Variants in BCL9 observed in about 807,000 individuals in gnomAD.
The protein encoded by BCL9 is B-cell CLL/lymphoma 9 protein.
Under a neutral mutation model 88.5 loss-of-function variants are expected in BCL9, and 25 were observed. The ratio of observed to expected loss-of-function variants is 0.28; its 90% CI spans 0.21 to 0.39. BCL9 has a LOEUF of 0.39. BCL9 is among the 10% of genes least tolerant of loss of function. The pLI is 1.00. For synonymous variants in BCL9, 711 were observed against 673.3 expected (o/e 1.06, Z -0.87); for missense variants, 1,817 against 1,877.8 (o/e 0.97, Z 0.60).
intron 1 of BCL9, among the ~76,000 whole-genome samples, chr1:147,569,156 G>A (rs1233697436): frequency 1.3e-5 from 2 of 151,644 alleles, no homozygotes; most frequent in Non-Finnish European, 2.9e-5. Flanking sequence ...AATGGACAAA[G>A]GTGTCAAGTA....
intron 1 of BCL9, among the ~76,000 whole-genome samples, chr1:147,581,534 C>A (rs1176689724): frequency 6.6e-6 from 1 of 152,174 alleles, no homozygotes; most frequent in Non-Finnish European, 1.5e-5. Flanking sequence ...AAAGTGTGAA[C>A]CGAAGGTTGT....
chr1:147,624,421 C>G lies in BCL9; in HGVS notation c.3743C>G (p.Thr1248Arg). 2 of 1,614,228 alleles carry G rather than the reference C, an allele frequency of 1.2e-6. No homozygotes were observed. The highest frequency in any genetic ancestry group is 2.2e-5 in the East Asian group (1 of 44,878). Reference protein sequence around the residue: ...RIIPSEKPSQTLQYFPRGEVP... With the variant: ...RIIPSEKPSQRLQYFPRGEVP... ...ATTCCATCTGAGAAGCCCAGCCAGA[C>G]GCTGCAATATTTCCCTCGAGGGGAA... The change falls in exon 10 of 10, where the codon ACG (threonine) becomes AGG (arginine). Residue 1248 changes from threonine (T) to arginine (R), a missense_variant. Physicochemically the swap from Thr to Arg is moderately conservative, Grantham distance 71 (BLOSUM62 -1). Transcript: ENST00000234739. The surrounding 1 kb of genome is among the most constrained non-coding windows in gnomAD (Gnocchi z 4.4).
rs145053252 is a variant in BCL9 at position 147,548,839 on chromosome 1, C to A, written c.-478+7165C>A. ...TACAAAAAGAATTGACAAGAAGAAT[C>A]TTAAATTGCAACCTTATGTTGCATT... On this transcript the variant is annotated intron_variant, in intron 1 of 9. Coordinates refer to ENST00000234739, the MANE Select transcript of BCL9 (RefSeq NM_004326.4). Among the ~76,000 whole-genome samples, 266 of 152,146 alleles carry A rather than the reference C, an allele frequency of 1.7e-3. 1 individual carries two copies. Among genetic ancestry groups the A allele is most frequent in the African/African-American group, 6.2e-3 (258 of 41,526 alleles).
At chr1:147,604,719 T>C (rs1162970805) in intron 1 of BCL9, 58 bp from the exon 2 acceptor site, 3 of 152,252 alleles carry the variant, frequency 2.0e-5, no homozygotes, top group African/African-American at 7.2e-5. Context: ...AATGGGTGGT[T>C]TTCCTTGGAA....
chr1:147,560,680 G>A (rs587717561), intron 1 of BCL9, among the ~76,000 whole-genome samples: 2 of 152,002 alleles, frequency 1.3e-5, no homozygotes, highest in South Asian at 4.2e-4. Context: ...GCTAAGGGGG[G>A]TTGTGGGGAT....
rs1658543560 is a variant in BCL9, at chr1:147,620,218, C to T, written c.2063C>T (p.Pro688Leu). 1 of 1,613,924 alleles carries T rather than the reference C, an allele frequency of 6.2e-7. No homozygotes were observed. The highest frequency in any genetic ancestry group is 8.5e-7 in the Non-Finnish European group (1 of 1,179,972). Reference sequence around the variant, plus strand: ...ATACCAGTTGAGGGCCCTCTGAGTCCTTCTAGGGGTGACTTTCCAAAAGGA... The same window carrying T: ...ATACCAGTTGAGGGCCCTCTGAGTCTTTCTAGGGGTGACTTTCCAAAAGGA... The part of the protein sequence containing the change: ...PRIPVEGPLS[P>L]SRGDFPKGIP... The change falls in exon 8 of 10, where the codon CCT becomes CTT. Residue 688 changes from proline (P) to leucine (L), a missense_variant. Coordinates refer to ENST00000234739, the MANE Select transcript of BCL9 (RefSeq NM_004326.4).
At chr1:147,597,593 T>C (rs1019438581) in intron 1 of BCL9, among the ~76,000 whole-genome samples, 49 of 152,298 alleles carry the variant, frequency 3.2e-4, no homozygotes, top group African/African-American at 1.1e-3. Flanking sequence ...TAAATCCTTA[T>C]ACACCAAAAT....
intron 1 of BCL9, among the ~76,000 whole-genome samples, chr1:147,580,645 C>T (rs369362286): frequency 2.6e-5 from 4 of 152,128 alleles, no homozygotes; most frequent in East Asian, 1.9e-4. Flanking sequence ...AATAGAAAAG[C>T]GAAGAATTAA....
intron 1 of BCL9, among the ~76,000 whole-genome samples, chr1:147,595,214 C>T (rs782393218): frequency 6.6e-5 from 10 of 152,300 alleles, no homozygotes; most frequent in Non-Finnish European, 8.8e-5. Context: ...TCTGGTTGAC[C>T]AGATGTGGAA....
intron 1 of BCL9, among the ~76,000 whole-genome samples, chr1:147,577,378 G>T (rs1292441967): frequency 6.6e-6 from 1 of 152,092 alleles, no homozygotes; most frequent in Non-Finnish European, 1.5e-5. Flanking sequence ...TTCACCAAGG[G>T]CTTGCCTTGG....
chr1:147,567,206 GATTTTACAAACCC>G (rs1478319691), intron 1 of BCL9, among the ~76,000 whole-genome samples: 17 of 152,114 alleles, frequency 1.1e-4, no homozygotes, highest in Admixed American at 1.0e-3. Flanking sequence ...TCAACAAGTG[GATTTTACAAACCC>G]ATTGGCTTTG....
chr1:147,603,659 G>A (rs1284282746), intron 1 of BCL9, among the ~76,000 whole-genome samples: 1 of 133,686 alleles, frequency 7.5e-6, no homozygotes, highest in Non-Finnish European at 1.6e-5. Flanking sequence ...ACGCTACCAT[G>A]CCCAGCTAAT....
intron 1 of BCL9, among the ~76,000 whole-genome samples, chr1:147,580,493 A>G (rs1656317283): frequency 6.6e-6 from 1 of 152,152 alleles, no homozygotes; most frequent in Non-Finnish European, 1.5e-5. Flanking sequence ...GAATATGTTT[A>G]TCCCTCCTAC....
intron 1 of BCL9, among the ~76,000 whole-genome samples, chr1:147,551,411 T>C (rs1654899799): frequency 6.6e-6 from 1 of 152,214 alleles, no homozygotes; most frequent in African/African-American, 2.4e-5. Context: ...GAATGAAGGA[T>C]AGTGGCAGGC....
At chr1:147,566,716 A>G (rs1456305419) in intron 1 of BCL9, among the ~76,000 whole-genome samples, 1 of 151,874 alleles carries the variant, frequency 6.6e-6, no homozygotes, top group African/African-American at 2.4e-5. Flanking sequence ...AAATCGCGCC[A>G]CTGCACTCCA....
chr1:147,567,312 G>T (rs587650182), intron 1 of BCL9, among the ~76,000 whole-genome samples: 4 of 152,196 alleles, frequency 2.6e-5, no homozygotes, highest in African/African-American at 9.6e-5. Flanking sequence ...AGAATTTTTG[G>T]TTTGTTTAAA....
At chr1:147,597,655 G>A (rs1553200628) in intron 1 of BCL9, among the ~76,000 whole-genome samples, 1 of 152,046 alleles carries the variant, frequency 6.6e-6, no homozygotes, top group Non-Finnish European at 1.5e-5. Context: ...AAAATTCAGA[G>A]GGCAAAAATT....
At chr1:147,607,910 GT>G (rs1240320589) in intron 3 of BCL9, among the ~76,000 whole-genome samples, 2 of 152,210 alleles carry the variant, frequency 1.3e-5, no homozygotes, top group African/African-American at 4.8e-5. Context: ...AAATTTGGGA[GT>G]TGTTGGCATG....
At chr1:147,554,230 A>G (rs1025345766) in intron 1 of BCL9, among the ~76,000 whole-genome samples, 1 of 152,230 alleles carries the variant, frequency 6.6e-6, no homozygotes, top group Non-Finnish European at 1.5e-5. Context: ...AAAATCAGAA[A>G]TCAGCATTGG....
Sources: allele counts gnomAD v4.1 joint callset (sites outside exome capture counted in the v4.1 genomes callset), GRCh38; gene constraint gnomAD v4.1.1; non-coding constraint Gnocchi (gnomAD v3.1); transcripts MANE v1.5; gene names NCBI Gene and HGNC (gene_info 2026-07-23, HGNC 2026-07-21).